Variants in SLC30A9 observed in about 807,000 individuals in gnomAD.
SLC30A9 encodes proton-coupled zinc antiporter SLC30A9, mitochondrial.
In SLC30A9, 58 loss-of-function variants were observed where a neutral mutation model predicts 87.5. The ratio of observed to expected loss-of-function variants is 0.66; its 90% CI spans 0.54 to 0.82. The LOEUF (loss-of-function observed/expected upper bound fraction) is 0.82, where lower values mean the gene tolerates loss of function less well. Ranked by LOEUF, SLC30A9 falls within the 40% of genes least tolerant of loss-of-function variation. The probability of loss-of-function intolerance (pLI) is 0.00; values close to 1 mark genes in which losing one functional copy is unlikely to be tolerated. For synonymous variants in SLC30A9, 234 were observed against 233.0 expected (o/e 1.00, Z -0.04); for missense variants, 557 against 679.1 (o/e 0.82, Z 2.00).
rs754829755 is a variant in SLC30A9, at chr4:42,049,367, T to C, written c.738-10T>C. On this transcript the variant is annotated splice_polypyrimidine_tract_variant and intron_variant, in intron 8 of 17. Coordinates refer to ENST00000264451, the MANE Select transcript of SLC30A9 (RefSeq NM_006345.4). ...AACCTATGCTAAATTGTTTTCTCTTTCTCTTCTAGCAATGGATTAAACTGC... is the reference window on the plus strand; with the variant it reads ...AACCTATGCTAAATTGTTTTCTCTTCCTCTTCTAGCAATGGATTAAACTGC... The C allele has an allele frequency of 3.8e-6, 6 of 1,571,974 alleles. No individual in the cohort carries two copies. In the Admixed American group the frequency reaches 5.3e-5, roughly 14 times the overall value.
chr4:41,990,974 C>T (rs1033714925), intron 1 of SLC30A9, among the ~76,000 whole-genome samples: 1 of 152,396 alleles, frequency 6.6e-6, no homozygotes, highest in African/African-American at 2.4e-5. Flanking sequence ...AGCATGGCCC[C>T]CGCGGGAACT....
chr4:42,055,253 C>A (rs1317890604), intron 9 of SLC30A9, among the ~76,000 whole-genome samples: 1 of 151,550 alleles, frequency 6.6e-6, no homozygotes, highest in Non-Finnish European at 1.5e-5. Flanking sequence ...CTTTCGAGAC[C>A]TATAATATTT....
chr4:42,017,884 T>C (rs1421634146), intron 2 of SLC30A9, among the ~76,000 whole-genome samples: 1 of 152,170 alleles, frequency 6.6e-6, no homozygotes, highest in Non-Finnish European at 1.5e-5. Context: ...TTAAATGCTT[T>C]TTCTTTAGCT....
At chr4:42,075,138 A>G (rs567915299) in intron 15 of SLC30A9, among the ~76,000 whole-genome samples, 3 of 122,732 alleles carry the variant, frequency 2.4e-5, no homozygotes, top group Non-Finnish European at 4.7e-5. Context: ...CAGTGGCACA[A>G]TCTGGGTTCA....
chr4:42,041,010 G>C (rs1485274310), intron 8 of SLC30A9, among the ~76,000 whole-genome samples: 1 of 152,120 alleles, frequency 6.6e-6, no homozygotes, highest in Non-Finnish European at 1.5e-5. Flanking sequence ...CACAATCATG[G>C]TGGAAGGCAA....
chr4:41,990,815 C>G (rs1236509498), intron 1 of SLC30A9, 55 bp downstream of exon 1: 2 of 1,319,258 alleles, frequency 1.5e-6, no homozygotes, highest in East Asian at 4.8e-5. Flanking sequence ...GAGGGCCAGG[C>G]TGGGCTCGGC....
Position 42,018,113 on chromosome 4 carries a change from GA to G in SLC30A9, c.279del (p.Gly94ValfsTer2). On this transcript the variant is annotated frameshift_variant, in exon 3 of 18. Transcript: ENST00000264451. LOFTEE classifies it high-confidence loss of function. ...ACTTCTTTTAATAAACTTTACAGCA[GA>G]AGGTATAGGCACAGAACTCAAAGCT... ...VEKVPSFETA[E>X]GIGTELKAPL... The G allele has an allele frequency of 6.5e-7, 1 of 1,529,830 alleles. No individual in the cohort carries two copies. 94.8% of individuals were successfully genotyped at this position (1,529,830 alleles called of 1,614,324 possible).
chr4:42,056,853 C>CTCCATTTGGCGACATTGGGTAAATACA (rs1717638133), intron 9 of SLC30A9, among the ~76,000 whole-genome samples: 1 of 151,952 alleles, frequency 6.6e-6, no homozygotes, highest in Admixed American at 6.5e-5. Flanking sequence ...GGGTAAATAC[C>CTCCATTTGGCGACATTGGGTAAATACA]ATGTCTCCAT....
intron 14 of SLC30A9, among the ~76,000 whole-genome samples, chr4:42,068,779 T>TA (rs71650964): frequency 0.65 from 99,264 of 152,090 alleles, 36,897 homozygotes; most frequent in East Asian, 0.96. Context: ...GGTAGCTAAT[T>TA]AAGTGTTTTG....
intron 17 of SLC30A9, among the ~76,000 whole-genome samples, chr4:42,085,365 C>T (rs1718887998): frequency 6.6e-6 from 1 of 152,226 alleles, no homozygotes; most frequent in African/African-American, 2.4e-5. Context: ...TCAATCCTGG[C>T]TCCATCACTT....
chr4:42,043,317 C>G (rs959769386), intron 8 of SLC30A9, among the ~76,000 whole-genome samples: 1 of 151,842 alleles, frequency 6.6e-6, no homozygotes, highest in Admixed American at 6.6e-5. Context: ...AAGCTAAGAA[C>G]CTTGAAAAAA....
In SLC30A9 at chr4:42,065,352, A is replaced by G. The variant is rs1718039130; in HGVS notation, c.1072+3A>G. ...AGGATCATTAGTATCTGAAGGAGGT[A>G]TGTACTGTCACAAAGTATGTCTCTA... On this transcript the variant is annotated splice_donor_region_variant and intron_variant, in intron 12 of 17. Transcript: ENST00000264451. 7.6e-7 allele frequency: 1 copy of G among 1,323,376 alleles called. No individual in the cohort carries two copies. The highest frequency in any genetic ancestry group is 1.2e-5 in the South Asian group (1 of 85,060). 82.0% of individuals were successfully genotyped at this position (1,323,376 alleles called of 1,614,324 possible).
chr4:42,049,572 C>T (rs1717306604), intron 9 of SLC30A9, 93 bp downstream of exon 9: 15 of 598,112 alleles, frequency 2.5e-5, no homozygotes, highest in South Asian at 6.8e-5. Context: ...TGAATGATTC[C>T]AGTAGTTGGC....
intron 15 of SLC30A9, 115 bp downstream of exon 15, chr4:42,070,806 T>C: frequency 1.4e-6 from 1 of 737,500 alleles, no homozygotes; most frequent in Non-Finnish European, 2.1e-6. Flanking sequence ...TTCAGAACGT[T>C]TTAGTCTGTA....
At chr4:41,993,469 T>G (rs1714545858) in intron 1 of SLC30A9, among the ~76,000 whole-genome samples, 2 of 152,164 alleles carry the variant, frequency 1.3e-5, no homozygotes, top group Admixed American at 1.3e-4. Flanking sequence ...ACAAAGGAAT[T>G]GAATACAAAG....
chr4:42,016,036 T>A (rs145405577), intron 2 of SLC30A9, among the ~76,000 whole-genome samples: 1 of 152,262 alleles, frequency 6.6e-6, no homozygotes, highest in Non-Finnish European at 1.5e-5. Flanking sequence ...CCCAGTTTCC[T>A]CATAACAAGG....
intron 9 of SLC30A9, among the ~76,000 whole-genome samples, chr4:42,050,370 G>A (rs1478218785): frequency 6.6e-6 from 1 of 152,162 alleles, no homozygotes; most frequent in African/African-American, 2.4e-5. Context: ...AGTGGGAGGA[G>A]AGGGGATAGG....
intron 11 of SLC30A9, 43 bp from the exon 12 acceptor site, chr4:42,065,267 G>A (rs1389893116): frequency 1.0e-6 from 1 of 958,316 alleles, no homozygotes; most frequent in Admixed American, 1.7e-5. Context: ...AATTGTGATT[G>A]GAAGTACTTA....
intron 8 of SLC30A9, among the ~76,000 whole-genome samples, chr4:42,039,435 T>C (rs1324649218): frequency 6.6e-6 from 1 of 151,946 alleles, no homozygotes; most frequent in African/African-American, 2.4e-5. Flanking sequence ...TGGAAGAACA[T>C]AATTATTTGT....
Sources: gnomAD v4.1 joint callset for allele counts (sites outside exome capture counted in the v4.1 genomes callset) on GRCh38, gnomAD v4.1.1 for gene constraint, MANE v1.5 for transcripts, NCBI Gene and HGNC (gene_info 2026-07-23, HGNC 2026-07-21) for gene names.